Variants in DHRS7 observed in about 807,000 individuals in gnomAD.
DHRS7 encodes dehydrogenase/reductase 7.
DHRS7 carries 34 observed loss-of-function variants against 38.9 expected under a neutral mutation model. The observed-to-expected ratio is 0.87, with a 90% CI of 0.66 to 1.16. DHRS7 has a LOEUF of 1.16. Ranked by LOEUF, DHRS7 falls within the 50% of genes most tolerant of loss-of-function variation. DHRS7 has a pLI of 0.00. For synonymous variants in DHRS7, 158 were observed against 153.1 expected (o/e 1.03, Z -0.24); for missense variants, 421 against 407.0 (o/e 1.03, Z -0.30).
upstream of DHRS7, among the ~76,000 whole-genome samples, chr14:60,166,670 C>A (rs1184007985): frequency 6.6e-6 from 1 of 152,112 alleles, no homozygotes; most frequent in Non-Finnish European, 1.5e-5. Flanking sequence ...CTCTAAAAAG[C>A]TTTTTGGGGT....
chr14:60,150,329 T>G (rs1896517605), intron 4 of DHRS7, 142 bp from the exon 5 acceptor site: 1 of 712,040 alleles, frequency 1.4e-6, no homozygotes, highest in Non-Finnish European at 2.1e-6. Context: ...TTTTTTTTAT[T>G]ATTATATTTT....
chr14:60,160,856 G>T (rs1477302614), intron 1 of DHRS7, among the ~76,000 whole-genome samples: 2 of 152,194 alleles, frequency 1.3e-5, no homozygotes, highest in Non-Finnish European at 2.9e-5. Context: ...CTCCCAAAGT[G>T]CTGGGATTAC....
rs1896463447 is a variant in DHRS7, at chr14:60,148,584, C to T, written c.972+769G>A. Among the ~76,000 whole-genome samples, 1 of 152,124 alleles carries T rather than the reference C, an allele frequency of 6.6e-6. No homozygotes were observed. The highest frequency in any genetic ancestry group is 6.6e-5 in the Admixed American group (1 of 15,266). ...AGGCACATCTTAGATGTGCTGAGTA[C>T]TTCGGGAATGAGGTAAAACTGCATG... On this transcript the variant is annotated intron_variant, in intron 6 of 6. Transcript: ENST00000557185. This position sits in a 1 kb window ranked among gnomAD's most constrained non-coding sequence, Gnocchi z 4.8.
intron 2 of DHRS7, 46 bp downstream of exon 2, chr14:60,155,954 C>G (rs777729301): frequency 6.3e-6 from 9 of 1,439,042 alleles, no homozygotes; most frequent in South Asian, 4.7e-5. Flanking sequence ...TGAGTTTGGA[C>G]TGATTTATTT....
In DHRS7 at chr14:60,146,407, A is replaced by G. The variant is rs1896408004; in HGVS notation, c.973-1394T>C. 1 of 152,248 alleles carries G rather than the reference A, an allele frequency of 6.6e-6. No individual in the cohort carries two copies. The highest frequency in any genetic ancestry group is 6.5e-5 in the Admixed American group (1 of 15,296). 9.4% of individuals were successfully genotyped at this position (152,248 alleles called of 1,614,324 possible). ...TTGAAAAAAAAATCACTTCTATAAT[A>G]TATTCTTTCTCTGCCCTATTATTTA... On this transcript the variant is annotated intron_variant, in intron 6 of 6. Coordinates refer to ENST00000557185, the MANE Select transcript of DHRS7 (RefSeq NM_016029.4). The surrounding 1 kb of genome is among the most constrained non-coding windows in gnomAD (Gnocchi z 4.9).
At position 60,156,135 on chromosome 14, in the gene DHRS7, T is replaced by C. The variant is rs1255681967; in HGVS notation, c.151A>G (p.Met51Val). The change falls in exon 2 of 7, where the codon ATG becomes GTG. Residue 51 changes from methionine (M) to valine (V), a missense_variant. Transcript: ENST00000557185. ...GAGGCTCCAGTCACCCACACCACCATATCAGTCAGCTCCCATTCTATGGAA... is the reference window on the plus strand; with the variant it reads ...GAGGCTCCAGTCACCCACACCACCACATCAGTCAGCTCCCATTCTATGGAA... ...GRRPEWELTD[M>V]VVWVTGASSG... The C allele has an allele frequency of 6.3e-7, 1 of 1,592,164 alleles. No homozygotes were observed. Among genetic ancestry groups the C allele is most frequent in the East Asian group, 2.3e-5 (1 of 43,328 alleles).
In DHRS7 at chr14:60,153,923, C is replaced by T; in HGVS notation, c.393+36G>A. On this transcript the variant is annotated intron_variant, in intron 3 of 6. Coordinates refer to ENST00000557185, the MANE Select transcript of DHRS7 (RefSeq NM_016029.4). This position sits in a 1 kb window ranked among gnomAD's most constrained non-coding sequence, Gnocchi z 4.4. Reference sequence around the variant, plus strand: ...ATGGGAATCTCTTCTGCAGTTACTTCAAAGCAAGACTATATCAATATAAGA... The same window carrying T: ...ATGGGAATCTCTTCTGCAGTTACTTTAAAGCAAGACTATATCAATATAAGA... 4 of 1,584,828 alleles carry T rather than the reference C, an allele frequency of 2.5e-6. No individual in the cohort carries two copies. The highest frequency in any genetic ancestry group is 3.5e-6 in the Non-Finnish European group (4 of 1,153,808).
In DHRS7 at chr14:60,144,875, T is replaced by G; in HGVS notation, c.*91A>C. 1 of 1,074,970 alleles carries G rather than the reference T, an allele frequency of 9.3e-7. No homozygotes were observed. The allele number at this position is 1,074,970 out of a possible 1,614,324, so 66.6% of individuals were successfully genotyped here. ...TCTATTAAAAAGTAAAATCACAAATTAGTCTTTGATTATTCAGAAGCATAA... is the reference window on the plus strand; with the variant it reads ...TCTATTAAAAAGTAAAATCACAAATGAGTCTTTGATTATTCAGAAGCATAA... On this transcript the variant is annotated 3_prime_UTR_variant, in exon 7 of 7. Coordinates refer to ENST00000557185, the MANE Select transcript of DHRS7 (RefSeq NM_016029.4).
chr14:60,164,493 AGTTAAAT>A (rs1485307157), intron 1 of DHRS7, among the ~76,000 whole-genome samples: 1 of 152,186 alleles, frequency 6.6e-6, no homozygotes, highest in Non-Finnish European at 1.5e-5. Context: ...TTGTTGTAAA[AGTTAAAT>A]GTTATGTGTG....
At chr14:60,147,030 TGA>T (rs1390843191) in intron 6 of DHRS7, 4 of 152,142 alleles carry the variant, frequency 2.6e-5, no homozygotes, top group Non-Finnish European at 5.9e-5. Flanking sequence ...CCCAGGAGTT[TGA>T]GACTAGCCTG....
chr14:60,153,313 A>G lies in DHRS7; in HGVS notation c.394-135T>C. ...AATGGTATATTTCCAGAAGTCAGCA[A>G]TTAAAAAGATAAAATAAAGCCCTGA... On this transcript the variant is annotated intron_variant, in intron 3 of 6. Coordinates refer to ENST00000557185, the MANE Select transcript of DHRS7 (RefSeq NM_016029.4). The surrounding 1 kb of genome is among the most constrained non-coding windows in gnomAD (Gnocchi z 4.4). 9.1e-7 allele frequency: 1 copy of G among 1,098,184 alleles called. No individual in the cohort carries two copies. Among genetic ancestry groups the G allele is most frequent in the South Asian group, 1.6e-5 (1 of 60,726 alleles). The allele number at this position is 1,098,184 out of a possible 1,614,324, so 68.0% of individuals were successfully genotyped here.
chr14:60,169,157 A>AAAAAAAAAAAAAAAAAAAAC (rs1566539386), upstream of DHRS7: 5 of 150,230 alleles, frequency 3.3e-5, no homozygotes, highest in East Asian at 2.2e-4. Flanking sequence ...AAAAAAAAAA[A>AAAAAAAAAAAAAAAAAAAAC]AAAACCATTG....
Position 60,156,219 on chromosome 14 carries a change from G to GAAAA in DHRS7, c.134-71_134-68dup, listed in dbSNP as rs370446768. 6 of 1,110,140 alleles carry GAAAA rather than the reference G, an allele frequency of 5.4e-6. No individual in the cohort carries two copies. In the African/African-American group the frequency reaches 1.4e-4, roughly 26 times the overall value. The allele number at this position is 1,110,140 out of a possible 1,614,324, so 68.8% of individuals were successfully genotyped here. A position where few individuals can be genotyped will look rare whatever the true frequency, so the allele number is the denominator to read the frequency against. ...AATTACGCTCATAAATCCAAGATTAGAAAAAAAAAAGAAAGCCTTAAACAA... is the reference window on the plus strand; with the variant it reads ...AATTACGCTCATAAATCCAAGATTAGAAAAAAAAAAAAAAGAAAGCCTTAAACAA... On this transcript the variant is annotated intron_variant, in intron 1 of 6. Transcript: ENST00000557185.
intron 5 of DHRS7, 79 bp downstream of exon 5, chr14:60,149,986 T>C: frequency 7.0e-7 from 1 of 1,436,078 alleles, no homozygotes; most frequent in East Asian, 2.4e-5. Context: ...AACTATGATA[T>C]ACAGTGATAC....
chr14:60,146,775 A>G lies in DHRS7; in HGVS notation c.973-1762T>C, dbSNP rs1242675290. 6.6e-6 allele frequency: 1 copy of G among 152,218 alleles called. No homozygotes were observed. The highest frequency in any genetic ancestry group is 1.5e-5 in the Non-Finnish European group (1 of 68,032). The allele number at this position is 152,218 out of a possible 1,614,324, so 9.4% of individuals were successfully genotyped here. On this transcript the variant is annotated intron_variant, in intron 6 of 6. Transcript: ENST00000557185. The surrounding 1 kb of genome is among the most constrained non-coding windows in gnomAD (Gnocchi z 4.9). ...ACTCCTGGCATTTGTGAAAACATGGATAATGAATGGACGTTAATGCTAAGT... is the reference window on the plus strand; with the variant it reads ...ACTCCTGGCATTTGTGAAAACATGGGTAATGAATGGACGTTAATGCTAAGT...
intron 1 of DHRS7, chr14:60,159,306 G>T: frequency 2.3e-6 from 1 of 433,116 alleles, no homozygotes; most frequent in South Asian, 2.0e-5. Flanking sequence ...TCAAACAACT[G>T]ACACAAAAAG....
chr14:60,163,031 G>A (rs1356037709), intron 1 of DHRS7, among the ~76,000 whole-genome samples: 2 of 151,942 alleles, frequency 1.3e-5, no homozygotes, highest in Admixed American at 6.6e-5. Flanking sequence ...TTACCCATGC[G>A]TGGTGGCACG....
chr14:60,164,220 A>G (rs956662152), intron 1 of DHRS7, among the ~76,000 whole-genome samples: 1 of 115,916 alleles, frequency 8.6e-6, no homozygotes, highest in African/African-American at 3.5e-5. Flanking sequence ...ACCAATTCTC[A>G]CCTTGGGATC....
rs1407903582 is a variant in DHRS7, at chr14:60,153,094, C to G, written c.478G>C (p.Glu160Gln). Residue 160 changes from glutamate (E) to glutamine (Q), a missense_variant, in exon 4 of 7, where the codon GAG becomes CAG. Transcript: ENST00000557185. The surrounding 1 kb of genome is among the most constrained non-coding windows in gnomAD (Gnocchi z 4.4). Reference sequence around the variant, plus strand: ...GACACCGTCCCTAAGTAGTTAAGCTCTATTAGCTTTCTGTAGACATCCAAG... The same window carrying G: ...GACACCGTCCCTAAGTAGTTAAGCTGTATTAGCTTTCTGTAGACATCCAAG... ...TSLDVYRKLIELNYLGTVSLT... is the reference protein window; with the variant it reads ...TSLDVYRKLIQLNYLGTVSLT... 6.2e-7 allele frequency: 1 copy of G among 1,614,184 alleles called. No individual in the cohort carries two copies. The highest frequency in any genetic ancestry group is 1.7e-5 in the Admixed American group (1 of 60,020).
Sources: allele counts gnomAD v4.1 joint callset (sites outside exome capture counted in the v4.1 genomes callset), GRCh38; gene constraint gnomAD v4.1.1; non-coding constraint Gnocchi (gnomAD v3.1); transcripts MANE v1.5; gene names NCBI Gene and HGNC (gene_info 2026-07-23, HGNC 2026-07-21).